NHEJ1: variants seen among roughly 807,000 people sequenced by gnomAD.
The protein encoded by NHEJ1 is non-homologous end joining factor 1, also known as non-homologous end-joining factor 1.
A neutral mutation model predicts 39.4 loss-of-function variants in NHEJ1; 22 were observed. The observed-to-expected ratio is 0.56, with a 90% CI of 0.40 to 0.80. The LOEUF (loss-of-function observed/expected upper bound fraction) is 0.80, where lower values mean the gene tolerates loss of function less well. NHEJ1 is among the 30% of genes least tolerant of loss of function. NHEJ1 has a pLI of 0.00. For missense variants in NHEJ1, 329 were observed against 357.1 expected, an observed-to-expected ratio of 0.92 and a Z score of 0.63; for synonymous variants, 154 against 135.6, an observed-to-expected ratio of 1.14 and a Z score of -0.94.
chr2:219,101,299 G>A (rs755465781), intron 5 of NHEJ1, among the ~76,000 whole-genome samples: 1 of 152,218 alleles, frequency 6.6e-6, no homozygotes. Flanking sequence ...ATTTTTAGTA[G>A]AGATGGCATT....
intron 3 of NHEJ1, among the ~76,000 whole-genome samples, chr2:219,155,617 C>T (rs1949846339): frequency 6.6e-6 from 1 of 152,056 alleles, no homozygotes; most frequent in Admixed American, 6.6e-5. Flanking sequence ...TTTTACTGGG[C>T]TCCAGATCAA....
Position 219,071,030 on chromosome 2 carries a change from C to A in NHEJ1, c.*5351G>T, listed in dbSNP as rs1029430421. 6.6e-6 allele frequency among the ~76,000 whole-genome samples: 1 copy of A among 152,224 alleles called. No individual in the cohort carries two copies. Among genetic ancestry groups the A allele is most frequent in the Non-Finnish European group, 1.5e-5 (1 of 68,036 alleles). ...AACAATGCTAAATGAAACTGGCAGTCTTCCCTTCTCATGTGGCATCAGGCT... is the reference window on the plus strand; with the variant it reads ...AACAATGCTAAATGAAACTGGCAGTATTCCCTTCTCATGTGGCATCAGGCT... On this transcript the variant is annotated 3_prime_UTR_variant, in exon 8 of 8. Coordinates refer to ENST00000356853, the MANE Select transcript of NHEJ1 (RefSeq NM_024782.3).
chr2:219,147,769 C>T lies in NHEJ1; in HGVS notation c.417G>A (p.Leu139=), dbSNP rs370231557. The T allele has an allele frequency of 5.0e-6, 8 of 1,614,040 alleles. No homozygotes were observed. The highest frequency in any genetic ancestry group is 6.8e-6 in the Non-Finnish European group (8 of 1,180,032). The change falls in exon 4 of 8, where the codon CTG becomes CTA. Residue 139 remains leucine, a synonymous_variant. Coordinates refer to ENST00000356853, the MANE Select transcript of NHEJ1 (RefSeq NM_024782.3). ...ACTGTAATGCCAGACTCATGCCCAT[C>T]AGAGGACGAATCAAATGTTGGGAGA... ...SLVSQHLIRP[L]MGMSLALQCQ... is the part of the protein sequence containing the mutation.
At chr2:219,082,887 G>A (rs1949079008) in intron 5 of NHEJ1, among the ~76,000 whole-genome samples, 2 of 152,208 alleles carry the variant, frequency 1.3e-5, no homozygotes, top group Non-Finnish European at 2.9e-5. Flanking sequence ...CCATTCAAAG[G>A]GAATCATGGC....
chr2:219,113,265 A>G (rs1574719696), intron 5 of NHEJ1, among the ~76,000 whole-genome samples: 1 of 152,260 alleles, frequency 6.6e-6, no homozygotes, highest in East Asian at 1.9e-4. Context: ...AAGAATTTCC[A>G]ACGCTGCAGT....
In NHEJ1 at chr2:219,130,593, T is replaced by C. The variant is rs140112821; in HGVS notation, c.588+16087A>G. Among the ~76,000 whole-genome samples, 326 of 152,302 alleles carry C rather than the reference T, an allele frequency of 2.1e-3. 3 individuals carry two copies. The highest frequency in any genetic ancestry group is 6.4e-3 in the East Asian group (33 of 5,186). ...GTTACGAGCGCTTGGAGAGATCCTT[T>C]CCAAGCTAGAACTTCCACATCTCCC... is the stretch of plus-strand genomic sequence containing the variant. On this transcript the variant is annotated intron_variant, in intron 5 of 7. Transcript: ENST00000356853.
chr2:219,076,170 A>T lies in NHEJ1; in HGVS notation c.*211T>A. 1 of 1,077,310 alleles carries T rather than the reference A, an allele frequency of 9.3e-7. No individual in the cohort carries two copies. The highest frequency in any genetic ancestry group is 1.6e-5 in the South Asian group (1 of 60,816). The allele number at this position is 1,077,310 out of a possible 1,614,324, so 66.7% of individuals were successfully genotyped here. A position where few individuals can be genotyped will look rare whatever the true frequency, so the allele number is the denominator to read the frequency against. Reference sequence around the variant, plus strand: ...CAGAACCTCCACCAAAAGAGAGGAGAGCACGGGATTCTCAGAGACTGGCTT... The same window carrying T: ...CAGAACCTCCACCAAAAGAGAGGAGTGCACGGGATTCTCAGAGACTGGCTT... On this transcript the variant is annotated 3_prime_UTR_variant, in exon 8 of 8. Transcript: ENST00000356853.
intron 5 of NHEJ1, among the ~76,000 whole-genome samples, chr2:219,087,019 G>T (rs897717084): frequency 6.6e-6 from 1 of 152,014 alleles, no homozygotes; most frequent in Admixed American, 6.5e-5. Flanking sequence ...GGTTTCCTGG[G>T]GGGGACGGAT....
At chr2:219,119,666 T>C (rs1213295062) in intron 5 of NHEJ1, among the ~76,000 whole-genome samples, 1 of 152,126 alleles carries the variant, frequency 6.6e-6, no homozygotes, top group African/African-American at 2.4e-5. Flanking sequence ...GTAGAACAGA[T>C]CTTTGAATTG....
rs969589140 is a variant in NHEJ1, at chr2:219,075,578, C to T, written c.*803G>A. On this transcript the variant is annotated 3_prime_UTR_variant, in exon 8 of 8. Coordinates refer to ENST00000356853, the MANE Select transcript of NHEJ1 (RefSeq NM_024782.3). ...CCTGGGCAACATGGCAAAGCCTTGT[C>T]TCCACACACAAAAAAATACAAAAAT... is the stretch of plus-strand genomic sequence containing the variant. The T allele has an allele frequency of 1.2e-4, 18 of 152,188 alleles. No individual in the cohort carries two copies. Among genetic ancestry groups the T allele is most frequent in the African/African-American group, 4.1e-4 (17 of 41,438 alleles). 9.4% of individuals were successfully genotyped at this position (152,188 alleles called of 1,614,324 possible). A position where few individuals can be genotyped will look rare whatever the true frequency, so the allele number is the denominator to read the frequency against.
rs1306770204 is a variant in NHEJ1 at position 219,075,236 on chromosome 2, C to T, written c.*1145G>A. On this transcript the variant is annotated 3_prime_UTR_variant, in exon 8 of 8. Transcript: ENST00000356853. ...TTCTTAATGGGTTAACAGCATCTTC[C>T]TCATATGATGCTATGAGGATCAATG... 1 of 152,138 alleles carries T rather than the reference C, an allele frequency of 6.6e-6. No homozygotes were observed. Among genetic ancestry groups the T allele is most frequent in the East Asian group, 1.9e-4 (1 of 5,196 alleles). The allele number at this position is 152,138 out of a possible 1,614,324, so 9.4% of individuals were successfully genotyped here.
intron 5 of NHEJ1, among the ~76,000 whole-genome samples, chr2:219,108,789 G>A (rs1287613655): frequency 6.6e-6 from 1 of 151,812 alleles, no homozygotes; most frequent in Non-Finnish European, 1.5e-5. Flanking sequence ...TGGCATATGA[G>A]GCTTTGTGAA....
intron 5 of NHEJ1, among the ~76,000 whole-genome samples, chr2:219,100,626 AAGC>A (rs1949248194): frequency 6.6e-6 from 1 of 151,602 alleles, no homozygotes; most frequent in Non-Finnish European, 1.5e-5. Flanking sequence ...AAAAAAAAAA[AAGC>A]AGCAATGAAA....
chr2:219,107,490 C>G (rs1451396209), intron 5 of NHEJ1, among the ~76,000 whole-genome samples: 1 of 152,166 alleles, frequency 6.6e-6, no homozygotes, highest in African/African-American at 2.4e-5. Context: ...ATGACAGGAA[C>G]AAATGCAGAG....
chr2:219,123,158 G>C (rs944139365), intron 5 of NHEJ1, among the ~76,000 whole-genome samples: 1 of 152,210 alleles, frequency 6.6e-6, no homozygotes, highest in African/African-American at 2.4e-5. Context: ...AGCTACAGTA[G>C]AGGGGTAGGA....
chr2:219,159,554 T>TATATATATATGC (rs1949900028), intron 1 of NHEJ1, among the ~76,000 whole-genome samples: 13 of 56,326 alleles, frequency 2.3e-4, no homozygotes, highest in South Asian at 7.6e-4. Flanking sequence ...TATATATGCA[T>TATATATATATGC]ATATATATGC....
intron 5 of NHEJ1, among the ~76,000 whole-genome samples, chr2:219,078,870 T>TGCAC (rs1553542091): frequency 3.3e-5 from 5 of 152,156 alleles, no homozygotes; most frequent in Admixed American, 2.6e-4. Context: ...GTATAAAGCG[T>TGCAC]GCACACACAC....
At chr2:219,101,272 A>T (rs1949257867) in intron 5 of NHEJ1, among the ~76,000 whole-genome samples, 1 of 151,924 alleles carries the variant, frequency 6.6e-6, no homozygotes, top group Non-Finnish European at 1.5e-5. Context: ...GTACCACCAC[A>T]TCTAGCTAAT....
intron 5 of NHEJ1, among the ~76,000 whole-genome samples, chr2:219,142,721 C>G (rs1949703406): frequency 6.6e-6 from 1 of 152,192 alleles, no homozygotes; most frequent in Non-Finnish European, 1.5e-5. Flanking sequence ...GTCCCTAAGT[C>G]CCTGACTCTT....
Sources: allele counts gnomAD v4.1 joint callset (sites outside exome capture counted in the v4.1 genomes callset), GRCh38; gene constraint gnomAD v4.1.1; transcripts MANE v1.5; gene names NCBI Gene and HGNC (gene_info 2026-07-23, HGNC 2026-07-21).